Variants in PMPCB observed in about 807,000 individuals in gnomAD.
PMPCB encodes the protein mitochondrial-processing peptidase subunit beta.
Under a neutral mutation model 61.5 loss-of-function variants are expected in PMPCB, and 46 were observed. The observed-to-expected ratio is 0.75, with a 90% confidence interval of 0.59 to 0.96. PMPCB has a LOEUF of 0.96. Ranked by LOEUF, PMPCB falls within the 40% of genes least tolerant of loss-of-function variation. PMPCB has a pLI of 0.00. For missense variants in PMPCB, 590 were observed against 602.4 expected (o/e 0.98, Z 0.22); for synonymous variants, 191 against 201.6 (o/e 0.95, Z 0.44).
intron 12 of PMPCB, chr7:103,324,757 G>A (rs1310297123): frequency 1.3e-5 from 5 of 386,680 alleles, no homozygotes; most frequent in African/African-American, 8.4e-5. Context: ...CGAAAAGTGA[G>A]GCCAAAGATA....
downstream of PMPCB, among the ~76,000 whole-genome samples, chr7:103,334,507 T>C (rs1405221554): frequency 6.6e-6 from 1 of 150,988 alleles, no homozygotes; most frequent in Non-Finnish European, 1.5e-5. Flanking sequence ...ACCCTGGAGA[T>C]GGAGGTTGCA....
intron 12 of PMPCB, chr7:103,327,442 G>T: frequency 1.3e-6 from 1 of 785,820 alleles, no homozygotes; most frequent in Non-Finnish European, 2.0e-6. Context: ...TTTCTAATAA[G>T]CTGCCAGGTG....
downstream of PMPCB, among the ~76,000 whole-genome samples, chr7:103,330,618 A>AT (rs1818926668): frequency 6.6e-6 from 1 of 151,526 alleles, no homozygotes; most frequent in Non-Finnish European, 1.5e-5. Flanking sequence ...CGCCCGGCTA[A>AT]TTTTTATATT....
At chr7:103,307,776 A>G in intron 7 of PMPCB, 68 bp downstream of exon 7, 1 of 831,110 alleles carries the variant, frequency 1.2e-6, no homozygotes. Flanking sequence ...ACATAAGTAA[A>G]CAAAATGTGC....
chr7:103,313,430 T>C lies in PMPCB; in HGVS notation c.*1159T>C. On this transcript the variant is annotated 3_prime_UTR_variant, in exon 13 of 13. Coordinates refer to ENST00000249269, the MANE Select transcript of PMPCB (RefSeq NM_004279.3). ...ATTTAAATTTATAGTACTGTTGGAC[T>C]CTTGGACTCAAAAACACAACCACAA... 1 of 984,068 alleles carries C rather than the reference T, an allele frequency of 1.0e-6. No individual in the cohort carries two copies. The allele number at this position is 984,068 out of a possible 1,614,324, so 61.0% of individuals were successfully genotyped here.
chr7:103,332,637 G>A (rs574406691), downstream of PMPCB, among the ~76,000 whole-genome samples: 7 of 150,006 alleles, frequency 4.7e-5, no homozygotes, highest in East Asian at 7.8e-4. Flanking sequence ...TTTTTTTTGC[G>A]GGGGAGGGGA....
chr7:103,332,212 A>C (rs550539813), downstream of PMPCB, among the ~76,000 whole-genome samples: 1 of 152,214 alleles, frequency 6.6e-6, no homozygotes, highest in Non-Finnish European at 1.5e-5. Flanking sequence ...TCACCGTGTT[A>C]GCCAGGATGG....
intron 6 of PMPCB, among the ~76,000 whole-genome samples, chr7:103,307,223 ATTTG>A (rs1218990379): frequency 6.6e-6 from 1 of 152,108 alleles, no homozygotes; most frequent in Non-Finnish European, 1.5e-5. Context: ...TAGAGCCCAT[ATTTG>A]TATTTTCCAC....
chr7:103,332,417 C>T (rs1052592428), downstream of PMPCB, among the ~76,000 whole-genome samples: 1 of 150,992 alleles, frequency 6.6e-6, no homozygotes, highest in African/African-American at 2.5e-5. Flanking sequence ...ACTCAGATTA[C>T]ATTAAACTTT....
the PMPCB span, among the ~76,000 whole-genome samples, chr7:103,334,915 C>G: frequency 6.6e-6 from 1 of 152,162 alleles, no homozygotes; most frequent in Non-Finnish European, 1.5e-5. Flanking sequence ...CTGGCTGCAA[C>G]CTCTGCCTCC....
intron 12 of PMPCB, chr7:103,320,833 T>G: frequency 6.8e-6 from 1 of 147,994 alleles, no homozygotes. Context: ...AGCATGTCTT[T>G]TTTTTTTTTT....
chr7:103,322,392 T>C (rs1818468877), intron 12 of PMPCB: 14 of 1,073,346 alleles, frequency 1.3e-5, no homozygotes, highest in Non-Finnish European at 1.8e-5. Context: ...TCATTCACAG[T>C]AGCACCCAAT....
intron 6 of PMPCB, among the ~76,000 whole-genome samples, chr7:103,306,949 G>A (rs980625853): frequency 6.6e-6 from 1 of 151,860 alleles, no homozygotes; most frequent in Non-Finnish European, 1.5e-5. Flanking sequence ...AGTAGAGACA[G>A]GGTTTTACCA....
intron 12 of PMPCB, chr7:103,322,675 T>G (rs771733226): frequency 5.0e-6 from 8 of 1,612,948 alleles, no homozygotes; most frequent in South Asian, 3.3e-5. Flanking sequence ...TTTCTAACAT[T>G]TAGGGGACTT....
rs1817444142 is a variant in PMPCB at position 103,301,310 on chromosome 7, T to C, written c.457+1003T>C. On this transcript the variant is annotated intron_variant, in intron 4 of 12. Transcript: ENST00000249269. ...TTGTAAATAACTAAAATACTTAATATGATACCCTAACTTTTGCATTAAAAC... is the reference window on the plus strand; with the variant it reads ...TTGTAAATAACTAAAATACTTAATACGATACCCTAACTTTTGCATTAAAAC... 2.6e-5 allele frequency among the ~76,000 whole-genome samples: 4 copies of C among 152,358 alleles called. No homozygotes were observed. The South Asian group carries it at 8.3e-4, about 32-fold the overall frequency.
chr7:103,313,433 T>A lies in PMPCB; in HGVS notation c.*1162T>A. 1 of 984,430 alleles carries A rather than the reference T, an allele frequency of 1.0e-6. No individual in the cohort carries two copies. The highest frequency in any genetic ancestry group is 1.2e-6 in the Non-Finnish European group (1 of 828,982). The allele number at this position is 984,430 out of a possible 1,614,324, so 61.0% of individuals were successfully genotyped here. A position where few individuals can be genotyped will look rare whatever the true frequency, so the allele number is the denominator to read the frequency against. Reference sequence around the variant, plus strand: ...TAAATTTATAGTACTGTTGGACTCTTGGACTCAAAAACACAACCACAATTC... The same window carrying A: ...TAAATTTATAGTACTGTTGGACTCTAGGACTCAAAAACACAACCACAATTC... On this transcript the variant is annotated 3_prime_UTR_variant, in exon 13 of 13. Coordinates refer to ENST00000249269, the MANE Select transcript of PMPCB (RefSeq NM_004279.3).
At chr7:103,343,391 TC>T in the PMPCB span, among the ~76,000 whole-genome samples, 1 of 152,356 alleles carries the variant, frequency 6.6e-6, no homozygotes, top group Admixed American at 6.5e-5. Context: ...AAAGCAATTT[TC>T]CAAGCAGCAA....
intron 12 of PMPCB, among the ~76,000 whole-genome samples, chr7:103,325,653 GTTCTCC>G (rs967709696): frequency 1.3e-5 from 2 of 152,142 alleles, no homozygotes; most frequent in African/African-American, 4.8e-5. Context: ...AGTTCTTCCT[GTTCTCC>G]AGGTAATTCC....
intron 6 of PMPCB, among the ~76,000 whole-genome samples, chr7:103,306,040 A>G (rs896598239): frequency 1.3e-5 from 2 of 152,252 alleles, no homozygotes; most frequent in African/African-American, 4.8e-5. Context: ...TTCATTTTAA[A>G]TACTACATAA....
Sources: gnomAD v4.1 joint callset for allele counts (sites outside exome capture counted in the v4.1 genomes callset) on GRCh38, gnomAD v4.1.1 for gene constraint, MANE v1.5 for transcripts, NCBI Gene and HGNC (gene_info 2026-07-23, HGNC 2026-07-21) for gene names.